The following RHBDD1 variants were observed in gnomAD, a reference collection of about 807,000 sequenced individuals.
RHBDD1 encodes the protein rhomboid-related protein 4.
Under a neutral mutation model 36.3 loss-of-function variants are expected in RHBDD1, and 38 were observed. That is an observed-to-expected ratio of 1.05 (90% CI 0.81 to 1.37). The LOEUF (loss-of-function observed/expected upper bound fraction) is 1.37. Among genes scored for constraint, RHBDD1 ranks in the 40% most tolerant of loss-of-function variants. The probability of loss-of-function intolerance (pLI) is 0.00; values close to 1 mark genes in which losing one functional copy is unlikely to be tolerated. For missense variants in RHBDD1, 393 were observed against 377.6 expected, an observed-to-expected ratio of 1.04 and a Z score of -0.34; for synonymous variants, 151 against 136.5, an observed-to-expected ratio of 1.11 and a Z score of -0.74.
At chr2:226,812,345 T>C in the RHBDD1 span, among the ~76,000 whole-genome samples, 5 of 152,206 alleles carry the variant, frequency 3.3e-5, no homozygotes, top group Admixed American at 3.3e-4. Context: ...GAACAAGAAG[T>C]ATAAAAATTT....
At chr2:226,891,317 G>A (rs747334553) in intron 5 of RHBDD1, among the ~76,000 whole-genome samples, 7 of 152,162 alleles carry the variant, frequency 4.6e-5, no homozygotes. Context: ...CCCTCAGTTC[G>A]TTGCCACTTG....
At chr2:226,948,483 G>T (rs192984679) in intron 8 of RHBDD1, among the ~76,000 whole-genome samples, 1 of 146,496 alleles carries the variant, frequency 6.8e-6, no homozygotes, top group Admixed American at 6.9e-5. Context: ...CGAGTTAGTG[G>T]GTGCAGCGCA....
intron 3 of RHBDD1, among the ~76,000 whole-genome samples, chr2:226,843,062 G>A (rs1271302289): frequency 6.6e-6 from 1 of 151,972 alleles, no homozygotes; most frequent in Non-Finnish European, 1.5e-5. Context: ...TTTATGATTT[G>A]GCTTTCTGCT....
At chr2:226,832,792 C>G (rs1940774609), upstream of RHBDD1, among the ~76,000 whole-genome samples, 1 of 152,068 alleles carries the variant, frequency 6.6e-6, no homozygotes, top group Non-Finnish European at 1.5e-5. Flanking sequence ...TGGATCACAT[C>G]AGGTCAGGAG....
At chr2:226,977,897 G>A (rs902310536) in intron 8 of RHBDD1, among the ~76,000 whole-genome samples, 10 of 152,280 alleles carry the variant, frequency 6.6e-5, no homozygotes, top group South Asian at 6.2e-4. Context: ...GCATTTTAAC[G>A]TAAATTTGAA....
At position 226,846,126 on chromosome 2, in the gene RHBDD1, A is replaced by G. The variant is rs988637606; in HGVS notation, c.-91+6499A>G. Among the ~76,000 whole-genome samples the G allele has an allele frequency of 2.8e-4, 42 of 152,216 alleles. 1 individual carries two copies. The highest frequency in any genetic ancestry group is 2.0e-4 in the Admixed American group (3 of 15,284). On this transcript the variant is annotated intron_variant, in intron 3 of 8. Coordinates refer to ENST00000392062, the MANE Select transcript of RHBDD1 (RefSeq NM_001167608.3). ...ATTATATACTCACAGTGAATATTATATGTATTTATCTTACTAAAAGCATCT... is the reference window on the plus strand; with the variant it reads ...ATTATATACTCACAGTGAATATTATGTGTATTTATCTTACTAAAAGCATCT...
chr2:226,904,418 G>GA (rs201168633), intron 5 of RHBDD1, among the ~76,000 whole-genome samples: 4 of 148,714 alleles, frequency 2.7e-5, no homozygotes, highest in East Asian at 2.0e-4. Context: ...TGCAAGCGGG[G>GA]GGGGAGGGGG....
At chr2:226,850,066 A>G (rs930205013) in intron 3 of RHBDD1, among the ~76,000 whole-genome samples, 7 of 152,242 alleles carry the variant, frequency 4.6e-5, no homozygotes, top group African/African-American at 1.7e-4. Context: ...CACAATAATA[A>G]TATCAACAAC....
intron 5 of RHBDD1, among the ~76,000 whole-genome samples, chr2:226,868,256 G>A (rs1432008644): frequency 3.3e-5 from 5 of 152,124 alleles, no homozygotes; most frequent in Non-Finnish European, 7.3e-5. Flanking sequence ...TGATTTAGAT[G>A]AATTTTTTCC....
chr2:226,817,272 AAGTT>A, the RHBDD1 span, among the ~76,000 whole-genome samples: 2 of 152,172 alleles, frequency 1.3e-5, no homozygotes, highest in South Asian at 2.1e-4. Context: ...TGAGAGCTAA[AAGTT>A]AGTCCAGTTA....
chr2:226,971,886 A>C (rs1414879901), intron 8 of RHBDD1, among the ~76,000 whole-genome samples: 2 of 150,576 alleles, frequency 1.3e-5, no homozygotes, highest in African/African-American at 2.5e-5. Flanking sequence ...ATGATAGAAA[A>C]CTAGAGAGAA....
At chr2:226,878,048 C>T (rs897000620) in intron 5 of RHBDD1, among the ~76,000 whole-genome samples, 2 of 152,096 alleles carry the variant, frequency 1.3e-5, no homozygotes, top group Non-Finnish European at 2.9e-5. Flanking sequence ...CTGGAAGGGT[C>T]TTAGGGGCTT....
chr2:226,869,821 C>T (rs552248649), intron 5 of RHBDD1, among the ~76,000 whole-genome samples: 36 of 152,230 alleles, frequency 2.4e-4, no homozygotes, highest in African/African-American at 7.7e-4. Context: ...TCCTTCGTGT[C>T]CTGAGACCCT....
At chr2:226,960,480 C>G (rs1952114150) in intron 8 of RHBDD1, among the ~76,000 whole-genome samples, 1 of 152,142 alleles carries the variant, frequency 6.6e-6, no homozygotes, top group Admixed American at 6.5e-5. Flanking sequence ...TTTTCTGTTA[C>G]TTTATATTTA....
intron 3 of RHBDD1, among the ~76,000 whole-genome samples, chr2:226,849,048 A>G (rs145797508): frequency 2.0e-5 from 3 of 152,260 alleles, no homozygotes; most frequent in African/African-American, 7.2e-5. Context: ...TGATTTATTG[A>G]GTGATTACTG....
At chr2:226,888,654 T>G (rs1946436550) in intron 5 of RHBDD1, among the ~76,000 whole-genome samples, 1 of 152,212 alleles carries the variant, frequency 6.6e-6, no homozygotes, top group Non-Finnish European at 1.5e-5. Flanking sequence ...AAACTTATGT[T>G]TGTGAAAAGG....
chr2:226,987,457 G>A (rs978455565), intron 8 of RHBDD1, among the ~76,000 whole-genome samples: 2 of 152,220 alleles, frequency 1.3e-5, no homozygotes, highest in Non-Finnish European at 2.9e-5. Context: ...GTCATGAGCA[G>A]CTAGCTGGTA....
intron 8 of RHBDD1, among the ~76,000 whole-genome samples, chr2:226,945,690 G>A (rs1950944189): frequency 6.6e-6 from 1 of 152,118 alleles, no homozygotes; most frequent in Non-Finnish European, 1.5e-5. Context: ...GGATTGCTGA[G>A]TCCAATGGTA....
At chr2:226,976,047 CTGTT>C (rs1259330764) in intron 8 of RHBDD1, among the ~76,000 whole-genome samples, 1 of 151,628 alleles carries the variant, frequency 6.6e-6, no homozygotes, top group Non-Finnish European at 1.5e-5. Flanking sequence ...CAAGTCCTGG[CTGTT>C]TGGTTTGGAG....
Sources: gnomAD v4.1 joint callset for allele counts (sites outside exome capture counted in the v4.1 genomes callset) on GRCh38, gnomAD v4.1.1 for gene constraint, MANE v1.5 for transcripts, NCBI Gene and HGNC (gene_info 2026-07-23, HGNC 2026-07-21) for gene names.